The following STXBP4 variants were observed in gnomAD, a reference collection of about 807,000 sequenced individuals.
STXBP4 encodes the protein syntaxin-binding protein 4.
A neutral mutation model predicts 76.1 loss-of-function variants in STXBP4; 55 were observed. The observed-to-expected ratio is 0.72, with a 90% CI of 0.58 to 0.91. The LOEUF is 0.91. Among genes scored for constraint, STXBP4 ranks in the 40% least tolerant of loss-of-function variants. The pLI is 0.00. For missense variants in STXBP4, 618 were observed against 636.9 expected, an observed-to-expected ratio of 0.97 and a Z score of 0.32; for synonymous variants, 201 against 220.2, an observed-to-expected ratio of 0.91 and a Z score of 0.77.
At position 55,168,612 on chromosome 17, in the gene STXBP4, A is replaced by T. The variant is rs981563730; in HGVS notation, c.*8701A>T. 6.6e-6 allele frequency: 1 copy of T among 152,208 alleles called. No homozygotes were observed. Among genetic ancestry groups the T allele is most frequent in the African/African-American group, 2.4e-5 (1 of 41,452 alleles). 9.4% of individuals were successfully genotyped at this position (152,208 alleles called of 1,614,324 possible). A position where few individuals can be genotyped will look rare whatever the true frequency, so the allele number is the denominator to read the frequency against. ...AGAACTGTTTCAGCATAGATTTTTA[A>T]AAATCATGTGTGTAAAAGAGAATGA... On this transcript the variant is annotated 3_prime_UTR_variant, in exon 18 of 18. Transcript: ENST00000376352.
At chr17:55,075,354 GT>G (rs1257876901) in intron 13 of STXBP4, among the ~76,000 whole-genome samples, 21 of 152,156 alleles carry the variant, frequency 1.4e-4, no homozygotes, top group African/African-American at 4.8e-4. Context: ...TCTATTTGAA[GT>G]TTTTAGCTAG....
the STXBP4 span, among the ~76,000 whole-genome samples, chr17:55,190,907 A>G: frequency 2.0e-5 from 3 of 152,190 alleles, no homozygotes; most frequent in Non-Finnish European, 2.9e-5. Flanking sequence ...TCCTTCACAC[A>G]TGGTGGGGTT....
chr17:55,063,532 A>G (rs1030339479), intron 12 of STXBP4, among the ~76,000 whole-genome samples: 1 of 152,220 alleles, frequency 6.6e-6, no homozygotes, highest in Non-Finnish European at 1.5e-5. Context: ...CATCAGTTGT[A>G]CTATAAGCTC....
intron 4 of STXBP4, among the ~76,000 whole-genome samples, chr17:54,998,711 C>T (rs949466787): frequency 6.6e-6 from 1 of 152,136 alleles, no homozygotes; most frequent in Non-Finnish European, 1.5e-5. Context: ...CTTGGCCAGG[C>T]GCAGTGGCTC....
At chr17:55,095,296 A>C (rs2079470493) in intron 16 of STXBP4, among the ~76,000 whole-genome samples, 1 of 152,220 alleles carries the variant, frequency 6.6e-6, no homozygotes, top group Non-Finnish European at 1.5e-5. Flanking sequence ...ATTAGAACTG[A>C]CTATAATGAT....
chr17:55,012,777 G>T (rs1269924214), intron 8 of STXBP4, among the ~76,000 whole-genome samples: 1 of 152,098 alleles, frequency 6.6e-6, no homozygotes, highest in Admixed American at 6.5e-5. Flanking sequence ...GCTTTTTGAG[G>T]TCCTTTTTCT....
At chr17:55,092,973 GTTT>G (rs1275697189) in intron 16 of STXBP4, among the ~76,000 whole-genome samples, 3 of 75,112 alleles carry the variant, frequency 4.0e-5, no homozygotes, top group African/African-American at 5.7e-5. Context: ...CATTTTTTTT[GTTT>G]TTTGTTTTTT....
intron 10 of STXBP4, among the ~76,000 whole-genome samples, chr17:55,034,825 C>T (rs1246306147): frequency 1.3e-5 from 2 of 151,996 alleles, no homozygotes; most frequent in Non-Finnish European, 2.9e-5. Flanking sequence ...GGTTTTGCCT[C>T]TTTTTGTGCT....
chr17:54,983,200 T>TC (rs1345690067), intron 1 of STXBP4, among the ~76,000 whole-genome samples: 1 of 152,214 alleles, frequency 6.6e-6, no homozygotes, highest in Non-Finnish European at 1.5e-5. Context: ...TCAGAGCACT[T>TC]CACCCCTCCT....
chr17:55,168,152 T>A lies in STXBP4; in HGVS notation c.*8241T>A, dbSNP rs971498634. 7.9e-5 allele frequency: 12 copies of A among 151,864 alleles called. No individual in the cohort carries two copies. The highest frequency in any genetic ancestry group is 5.2e-4 in the Admixed American group (8 of 15,272). The allele number at this position is 151,864 out of a possible 1,614,324, so 9.4% of individuals were successfully genotyped here. A position where few individuals can be genotyped will look rare whatever the true frequency, so the allele number is the denominator to read the frequency against. Reference sequence around the variant, plus strand: ...TAAAAGTACTCGATATAAGGGAAATTTGAAGGAAATAGAATGCATACATAC... The same window carrying A: ...TAAAAGTACTCGATATAAGGGAAATATGAAGGAAATAGAATGCATACATAC... On this transcript the variant is annotated 3_prime_UTR_variant, in exon 18 of 18. Transcript: ENST00000376352.
At position 54,982,594 on chromosome 17, in the gene STXBP4, TTGTGTGTGTG is replaced by T. The variant is rs61223151; in HGVS notation, c.-156-2997_-156-2988del. 3.4e-3 allele frequency among the ~76,000 whole-genome samples: 510 copies of T among 149,190 alleles called. 1 individual carries two copies. Among genetic ancestry groups the T allele is most frequent in the African/African-American group, 0.011 (466 of 40,642 alleles). Reference sequence around the variant, plus strand: ...TTAATTATGGGAACTTGAGGGTGGTTTGTGTGTGTGTGTGTGTGTGTGTGTGTGTGTGAGT... The same window carrying T: ...TTAATTATGGGAACTTGAGGGTGGTTTGTGTGTGTGTGTGTGTGTGTGAGT... On this transcript the variant is annotated intron_variant, in intron 1 of 17. Coordinates refer to ENST00000376352, the MANE Select transcript of STXBP4 (RefSeq NM_178509.6).
At chr17:55,097,471 G>A (rs531247739) in intron 16 of STXBP4, among the ~76,000 whole-genome samples, 7 of 152,264 alleles carry the variant, frequency 4.6e-5, no homozygotes, top group South Asian at 4.1e-4. Context: ...AGACCATCCT[G>A]GCTAACACGG....
intron 4 of STXBP4, chr17:54,991,727 A>G (rs1778305555): frequency 6.6e-6 from 1 of 150,466 alleles, no homozygotes; most frequent in South Asian, 2.1e-4. Context: ...ATTAAGAATT[A>G]ATAAAATTAA....
chr17:55,185,281 C>T, the STXBP4 span, among the ~76,000 whole-genome samples: 957 of 83,938 alleles, frequency 0.011, 3 homozygotes, highest in Admixed American at 0.015. Flanking sequence ...TTCTCCTTCT[C>T]CTTCTCCTTC....
At chr17:55,010,741 G>C (rs1295514217) in intron 8 of STXBP4, among the ~76,000 whole-genome samples, 2 of 152,122 alleles carry the variant, frequency 1.3e-5, no homozygotes, top group Non-Finnish European at 2.9e-5. Flanking sequence ...ACTGTAGAGA[G>C]CAATGGCATA....
At chr17:55,033,881 A>G (rs1198971752) in intron 9 of STXBP4, among the ~76,000 whole-genome samples, 1 of 152,206 alleles carries the variant, frequency 6.6e-6, no homozygotes, top group Non-Finnish European at 1.5e-5. Context: ...ATGTTTCAGA[A>G]AAAGTTCTAC....
At chr17:55,102,604 T>C (rs2079580667) in intron 16 of STXBP4, among the ~76,000 whole-genome samples, 1 of 152,228 alleles carries the variant, frequency 6.6e-6, no homozygotes. Context: ...TATGTGTCTT[T>C]ATAGTAGAAT....
At chr17:55,011,242 AT>A (rs960106684) in intron 8 of STXBP4, among the ~76,000 whole-genome samples, 58 of 151,646 alleles carry the variant, frequency 3.8e-4, no homozygotes, top group African/African-American at 7.5e-4. Flanking sequence ...ATTTTTTTTA[AT>A]TTTTTTTAAA....
chr17:55,047,720 G>A (rs1350897620), intron 12 of STXBP4, among the ~76,000 whole-genome samples: 1 of 151,664 alleles, frequency 6.6e-6, no homozygotes, highest in Non-Finnish European at 1.5e-5. Context: ...GATCAACAGT[G>A]ATCACCTGAT....
Sources: allele counts gnomAD v4.1 joint callset (sites outside exome capture counted in the v4.1 genomes callset), GRCh38; gene constraint gnomAD v4.1.1; transcripts MANE v1.5; gene names NCBI Gene and HGNC (gene_info 2026-07-23, HGNC 2026-07-21).